The following RBFOX1 variants were observed in gnomAD, a reference collection of about 807,000 sequenced individuals.
RBFOX1 encodes RNA binding protein fox-1 homolog 1.
Under a neutral mutation model 57.7 loss-of-function variants are expected in RBFOX1, and 8 were observed. The observed-to-expected ratio is 0.14, with a 90% CI of 0.08 to 0.25. The LOEUF (loss-of-function observed/expected upper bound fraction) is 0.25, where lower values mean the gene tolerates loss of function less well. Among genes scored for constraint, RBFOX1 ranks in the 10% least tolerant of loss-of-function variants. The pLI, the probability that RBFOX1 is intolerant of heterozygous loss-of-function variation, is 1.00. For synonymous variants in RBFOX1, 326 were observed against 222.4 expected (o/e 1.47, Z -4.15); for missense variants, 611 against 548.5 (o/e 1.11, Z -1.14).
At chr16:5,989,710 C>G (rs1305123882) in intron 4 of RBFOX1, among the ~76,000 whole-genome samples, 1 of 152,002 alleles carries the variant, frequency 6.6e-6, no homozygotes, top group Non-Finnish European at 1.5e-5. Flanking sequence ...GGAAGATGAT[C>G]TCACTCATTT....
chr16:6,263,498 A>G (rs1412713138), intron 1 of RBFOX1, among the ~76,000 whole-genome samples: 1 of 152,274 alleles, frequency 6.6e-6, no homozygotes, highest in Non-Finnish European at 1.5e-5. Flanking sequence ...TGCAGCCTCC[A>G]TTTATGAAAC....
At chr16:5,479,329 G>A (rs2069440149) in intron 2 of RBFOX1, among the ~76,000 whole-genome samples, 2 of 152,212 alleles carry the variant, frequency 1.3e-5, no homozygotes, top group African/African-American at 4.8e-5. Context: ...TAAGCACAGA[G>A]AAGTCAGGTG....
chr16:7,088,847 G>T (rs932007212), intron 4 of RBFOX1, among the ~76,000 whole-genome samples: 1 of 152,172 alleles, frequency 6.6e-6, no homozygotes, highest in Non-Finnish European at 1.5e-5. Context: ...CTCAACCTCT[G>T]TCTTTCATCA....
intron 3 of RBFOX1, among the ~76,000 whole-genome samples, chr16:6,906,166 G>A (rs537138794): frequency 5.3e-5 from 8 of 152,084 alleles, no homozygotes; most frequent in East Asian, 1.9e-4. Context: ...ATTCAATAGC[G>A]CATTAGAGAA....
intron 1 of RBFOX1, among the ~76,000 whole-genome samples, chr16:5,354,410 A>G (rs1002939804): frequency 6.6e-6 from 1 of 152,160 alleles, no homozygotes; most frequent in African/African-American, 2.4e-5. Flanking sequence ...CTTATGGGCC[A>G]TGTGACCTTA....
At chr16:7,457,563 C>G (rs1449084109) in intron 4 of RBFOX1, among the ~76,000 whole-genome samples, 4 of 152,166 alleles carry the variant, frequency 2.6e-5, no homozygotes, top group African/African-American at 9.7e-5. Flanking sequence ...GTCCCTGGAG[C>G]TCTTTGATGC....
intron 1 of RBFOX1, among the ~76,000 whole-genome samples, chr16:5,422,603 A>G (rs1375052941): frequency 1.2e-4 from 12 of 96,462 alleles, no homozygotes; most frequent in African/African-American, 4.9e-4. Context: ...GGACAGGAGG[A>G]AGAGTGAGAG....
At chr16:7,452,549 C>G (rs1384335639) in intron 4 of RBFOX1, among the ~76,000 whole-genome samples, 9 of 152,080 alleles carry the variant, frequency 5.9e-5, no homozygotes, top group South Asian at 2.1e-4. Flanking sequence ...GCCTCAGATC[C>G]GGGGTCTTAC....
chr16:6,585,527 C>T (rs1483681080), intron 2 of RBFOX1, among the ~76,000 whole-genome samples: 2 of 152,168 alleles, frequency 1.3e-5, no homozygotes, highest in African/African-American at 4.8e-5. Context: ...ACATGTTTTG[C>T]AAGGTCCTTG....
At chr16:5,912,044 C>G (rs551417972) in intron 4 of RBFOX1, among the ~76,000 whole-genome samples, 2 of 152,170 alleles carry the variant, frequency 1.3e-5, no homozygotes, top group African/African-American at 4.8e-5. Context: ...TTCATCCATC[C>G]TCACCACTCC....
At chr16:7,676,039 C>A (rs1264190355) in intron 13 of RBFOX1, among the ~76,000 whole-genome samples, 1 of 152,196 alleles carries the variant, frequency 6.6e-6, no homozygotes, top group East Asian at 1.9e-4. Context: ...CTGGTACATA[C>A]AACTAAATGT....
chr16:6,034,556 C>G (rs968258533), intron 1 of RBFOX1, among the ~76,000 whole-genome samples: 1 of 151,820 alleles, frequency 6.6e-6, no homozygotes, highest in Non-Finnish European at 1.5e-5. Context: ...TCTCTCCAAC[C>G]TTTGGGTAAG....
chr16:7,615,214 T>C (rs967735641), intron 10 of RBFOX1, among the ~76,000 whole-genome samples: 5 of 152,088 alleles, frequency 3.3e-5, no homozygotes, highest in Non-Finnish European at 5.9e-5. Flanking sequence ...GCACCTGTAG[T>C]CCCAGCTACT....
chr16:6,776,630 T>G (rs78822666), intron 3 of RBFOX1, among the ~76,000 whole-genome samples: 3,031 of 152,208 alleles, frequency 0.02, 69 homozygotes, highest in African/African-American at 0.061. Context: ...TCTTTATCCC[T>G]TTCAAATCGG....
chr16:6,886,449 A>G lies in RBFOX1; in HGVS notation c.-15-165608A>G, dbSNP rs567038194. 1.1e-4 allele frequency among the ~76,000 whole-genome samples: 16 copies of G among 152,124 alleles called. No homozygotes were observed. The South Asian group carries it at 1.2e-3, about 12-fold the overall frequency. ...CGCTATTGATTGCAAAGGCATTCCAATTTCCAAGATATGAAAATGTAGGCC... is the reference window on the plus strand; with the variant it reads ...CGCTATTGATTGCAAAGGCATTCCAGTTTCCAAGATATGAAAATGTAGGCC... On this transcript the variant is annotated intron_variant, in intron 3 of 15. Transcript: ENST00000550418.
At chr16:5,609,726 T>C (rs1031478947) in intron 3 of RBFOX1, among the ~76,000 whole-genome samples, 2 of 152,136 alleles carry the variant, frequency 1.3e-5, no homozygotes, top group African/African-American at 4.8e-5. Flanking sequence ...CCTTTACACA[T>C]GCTGTTCCCC....
intron 4 of RBFOX1, among the ~76,000 whole-genome samples, chr16:5,905,361 G>A (rs2058432534): frequency 6.6e-6 from 1 of 151,956 alleles, no homozygotes; most frequent in Non-Finnish European, 1.5e-5. Context: ...CCTAACTGGT[G>A]TTTTTACAAG....
At chr16:7,412,434 T>C (rs1291051838) in intron 4 of RBFOX1, among the ~76,000 whole-genome samples, 1 of 141,248 alleles carries the variant, frequency 7.1e-6, no homozygotes. Flanking sequence ...AAAAAGTTAA[T>C]AATAGGGGAA....
intron 2 of RBFOX1, among the ~76,000 whole-genome samples, chr16:6,489,031 C>G (rs2095568483): frequency 6.6e-6 from 1 of 152,154 alleles, no homozygotes; most frequent in South Asian, 2.1e-4. Context: ...CAGTCTGACA[C>G]TAAAATTGTT....
Sources: allele counts gnomAD v4.1 joint callset (sites outside exome capture counted in the v4.1 genomes callset), GRCh38; gene constraint gnomAD v4.1.1; transcripts MANE v1.5; gene names NCBI Gene and HGNC (gene_info 2026-07-23, HGNC 2026-07-21).